The following CABLES1 variants were observed in gnomAD, a reference collection of about 807,000 sequenced individuals.
CABLES1 encodes the protein Cdk5 and Abl enzyme substrate 1.
A neutral mutation model predicts 57.8 loss-of-function variants in CABLES1; 36 were observed. That is an observed-to-expected ratio of 0.62 (90% CI 0.48 to 0.82). The LOEUF is 0.82. CABLES1 is among the 40% of genes least tolerant of loss of function. CABLES1 has a pLI of 0.00. For missense variants in CABLES1, 767 were observed against 836.6 expected (o/e 0.92, Z 1.03); for synonymous variants, 374 against 363.0 (o/e 1.03, Z -0.35).
chr18:23,172,716 G>A (rs779382957), intron 1 of CABLES1, among the ~76,000 whole-genome samples: 10 of 152,204 alleles, frequency 6.6e-5, no homozygotes, highest in African/African-American at 1.7e-4. Flanking sequence ...GAATATTCAC[G>A]TGGCTTTAAG....
At chr18:23,145,428 G>A (rs529064221) in intron 1 of CABLES1, among the ~76,000 whole-genome samples, 51 of 152,254 alleles carry the variant, frequency 3.3e-4, no homozygotes, top group African/African-American at 1.2e-3. Flanking sequence ...CTCTTTGGGG[G>A]CTGTGCAAAA....
chr18:23,139,051 TA>T (rs941475597), intron 1 of CABLES1, among the ~76,000 whole-genome samples: 6 of 151,980 alleles, frequency 3.9e-5, no homozygotes, highest in Admixed American at 1.3e-4. Context: ...ATCTGCCCTT[TA>T]AAAAAAATGA....
At chr18:23,135,006 G>C (rs1200057642), upstream of CABLES1, among the ~76,000 whole-genome samples, 1 of 152,128 alleles carries the variant, frequency 6.6e-6, no homozygotes, top group Non-Finnish European at 1.5e-5. Flanking sequence ...TTTACTTCTC[G>C]GGGACCAACG....
At chr18:23,147,994 T>TC (rs2046903502) in intron 1 of CABLES1, among the ~76,000 whole-genome samples, 1 of 142,216 alleles carries the variant, frequency 7.0e-6, no homozygotes, top group East Asian at 2.2e-4. Flanking sequence ...TTTTTTTTTT[T>TC]TTTTTTTTTT....
At chr18:23,221,126 C>T (rs946003583) in intron 4 of CABLES1, among the ~76,000 whole-genome samples, 9 of 152,208 alleles carry the variant, frequency 5.9e-5, no homozygotes, top group Non-Finnish European at 1.2e-4. Flanking sequence ...ACATGAAGAA[C>T]GCTTCTCTTT....
In CABLES1 at chr18:23,258,999, G is replaced by A. The variant is rs927003201; in HGVS notation, c.*1632G>A. ...GTTGTAAGACAGTGATTTGGGTGGT[G>A]GGGGGAGGGAGGAGGGAGAGGATAT... is the stretch of plus-strand genomic sequence containing the variant. On this transcript the variant is annotated 3_prime_UTR_variant, in exon 10 of 10. Coordinates refer to ENST00000256925, the MANE Select transcript of CABLES1 (RefSeq NM_001100619.3). The A allele has an allele frequency of 8.0e-6, 1 of 124,858 alleles. No homozygotes were observed. Among genetic ancestry groups the A allele is most frequent in the Admixed American group, 7.6e-5 (1 of 13,110 alleles). The allele number at this position is 124,858 out of a possible 1,614,324, so 7.7% of individuals were successfully genotyped here.
chr18:23,194,319 C>T (rs545638338), intron 2 of CABLES1, 129 bp from the exon 3 acceptor site: 32 of 603,672 alleles, frequency 5.3e-5, no homozygotes, highest in South Asian at 4.2e-4. Context: ...TCATTATCCT[C>T]GCGGACTCCT....
chr18:23,161,476 T>A (rs1440939279), intron 1 of CABLES1, among the ~76,000 whole-genome samples: 1 of 151,176 alleles, frequency 6.6e-6, no homozygotes. Context: ...CTTTCTTGCA[T>A]CCATCCCTCC....
In CABLES1 at chr18:23,210,513, G is replaced by A. The variant is rs148667806; in HGVS notation, c.1011-3464G>A. 7.0e-4 allele frequency among the ~76,000 whole-genome samples: 106 copies of A among 152,306 alleles called. 1 individual carries two copies. Among genetic ancestry groups the A allele is most frequent in the African/African-American group, 2.5e-3 (105 of 41,562 alleles). ...GGCAAACATCTGATTCTCTTCTTGTGTATCTCCATTACCATGGACATTTCC... is the reference window on the plus strand; with the variant it reads ...GGCAAACATCTGATTCTCTTCTTGTATATCTCCATTACCATGGACATTTCC... On this transcript the variant is annotated intron_variant, in intron 3 of 9. Coordinates refer to ENST00000256925, the MANE Select transcript of CABLES1 (RefSeq NM_001100619.3).
At chr18:23,209,459 T>C (rs183017736) in intron 3 of CABLES1, among the ~76,000 whole-genome samples, 1 of 152,314 alleles carries the variant, frequency 6.6e-6, no homozygotes, top group Admixed American at 6.5e-5. Flanking sequence ...TGTAGGCGTA[T>C]TCTTTCTTGC....
chr18:23,224,338 G>A (rs138603800), intron 4 of CABLES1, among the ~76,000 whole-genome samples: 42 of 152,026 alleles, frequency 2.8e-4, no homozygotes, highest in African/African-American at 8.9e-4. Flanking sequence ...GGGCACCGGC[G>A]GCCAGGGAGG....
intron 1 of CABLES1, among the ~76,000 whole-genome samples, chr18:23,175,636 T>TG (rs1160160744): frequency 1.3e-5 from 2 of 152,144 alleles, no homozygotes; most frequent in Non-Finnish European, 2.9e-5. Context: ...TTTGTAGAAA[T>TG]GGGGGTTTTG....
intron 1 of CABLES1, among the ~76,000 whole-genome samples, chr18:23,179,677 C>A (rs978460945): frequency 2.0e-5 from 3 of 152,362 alleles, no homozygotes; most frequent in African/African-American, 7.2e-5. Flanking sequence ...GCAGCTGCTG[C>A]CAGGTGAGCA....
At chr18:23,156,938 A>G (rs1030872893) in intron 1 of CABLES1, among the ~76,000 whole-genome samples, 1 of 152,216 alleles carries the variant, frequency 6.6e-6, no homozygotes, top group African/African-American at 2.4e-5. Flanking sequence ...GCTAAGAAAA[A>G]GACAAGAATG....
At chr18:23,241,530 AAAAAAT>A (rs1439751101) in intron 7 of CABLES1, among the ~76,000 whole-genome samples, 5 of 152,322 alleles carry the variant, frequency 3.3e-5, no homozygotes, top group East Asian at 1.9e-4. Context: ...CTACGTCTCA[AAAAAAT>A]AAAAATAAAA....
intron 1 of CABLES1, among the ~76,000 whole-genome samples, chr18:23,185,607 C>T (rs1226261847): frequency 3.3e-5 from 5 of 152,152 alleles, no homozygotes; most frequent in Non-Finnish European, 7.4e-5. Context: ...CTCCCCAGGG[C>T]TCCTTAGGGT....
intron 4 of CABLES1, among the ~76,000 whole-genome samples, chr18:23,224,877 C>A (rs1309136574): frequency 6.6e-6 from 1 of 151,552 alleles, no homozygotes; most frequent in Non-Finnish European, 1.5e-5. Flanking sequence ...CCTTCTTTTT[C>A]TTTCTTTTTG....
At chr18:23,151,279 A>G (rs569425513) in intron 1 of CABLES1, among the ~76,000 whole-genome samples, 1 of 151,710 alleles carries the variant, frequency 6.6e-6, no homozygotes, top group East Asian at 2.0e-4. Context: ...CGGCCTCCCA[A>G]AGTGCTGGGA....
At chr18:23,231,977 AAATCAC>A (rs1204269267) in intron 4 of CABLES1, among the ~76,000 whole-genome samples, 1 of 152,200 alleles carries the variant, frequency 6.6e-6, no homozygotes, top group African/African-American at 2.4e-5. Context: ...GCACAGTGGA[AAATCAC>A]CCAAGTTTCA....
Sources: allele counts gnomAD v4.1 joint callset (sites outside exome capture counted in the v4.1 genomes callset), GRCh38; gene constraint gnomAD v4.1.1; transcripts MANE v1.5; gene names NCBI Gene and HGNC (gene_info 2026-07-23, HGNC 2026-07-21).